SMCO4: variants seen among roughly 807,000 people sequenced by gnomAD.
The protein encoded by SMCO4 is single-pass membrane and coiled-coil domain-containing protein 4.
Under a neutral mutation model 3.6 loss-of-function variants are expected in SMCO4, and 4 were observed. The observed-to-expected ratio is 1.11, with a 90% CI of 0.54 to 2.53. The LOEUF (loss-of-function observed/expected upper bound fraction) is 2.53, where lower values mean the gene tolerates loss of function less well. Ranked by LOEUF, SMCO4 falls within the 30% of genes most tolerant of loss-of-function variation. The pLI, the probability that SMCO4 is intolerant of heterozygous loss-of-function variation, is 0.02. For synonymous variants in SMCO4, 36 were observed against 35.3 expected (o/e 1.02, Z -0.07); for missense variants, 70 against 80.8 (o/e 0.87, Z 0.51).
chr11:93,500,061 G>A (rs1356542104), intron 1 of SMCO4, among the ~76,000 whole-genome samples: 2 of 152,200 alleles, frequency 1.3e-5, no homozygotes, highest in Non-Finnish European at 2.9e-5. Context: ...TCCAAAAAGT[G>A]TCCATAACAA....
At chr11:93,543,034 C>G (rs1420689752) in intron 1 of SMCO4, among the ~76,000 whole-genome samples, 1 of 151,880 alleles carries the variant, frequency 6.6e-6, no homozygotes, top group Non-Finnish European at 1.5e-5. Context: ...GCGTCTCGAG[C>G]CGCGACGGGC....
chr11:93,503,620 A>G (rs1948869136), intron 1 of SMCO4, among the ~76,000 whole-genome samples: 1 of 152,190 alleles, frequency 6.6e-6, no homozygotes, highest in South Asian at 2.1e-4. Flanking sequence ...CTTATAAGAA[A>G]GGTAGATTAC....
rs752094282 is a variant in SMCO4, at chr11:93,479,083, G to C, written c.107C>G (p.Pro36Arg). The C allele has an allele frequency of 6.2e-7, 1 of 1,614,048 alleles. No homozygotes were observed. The highest frequency in any genetic ancestry group is 2.2e-5 in the East Asian group (1 of 44,844). Residue 36 changes from proline to arginine, a missense_variant, in exon 3 of 3, where the codon CCC (proline) becomes CGC (arginine). Pro to Arg is a moderately radical substitution (Grantham distance 103). Coordinates refer to ENST00000298966, the MANE Select transcript of SMCO4 (RefSeq NM_020179.3). ...ARQQITTVVL[P>R]TLAVVVLLIV... ...CAAGAGCACGACCACGGCCAGCGTG[G>C]GCAGCACCACTGTAGTGATCTGCTG...
In SMCO4 at chr11:93,484,535, A is replaced by G. The variant is rs182144469; in HGVS notation, c.-80-5266T>C. The stretch of plus-strand genomic sequence containing the variant: ...AAAATGGGTAAGAAACCTGTTTTGC[A>G]GACATCGAAAAATTAGAAATAATGT... On this transcript the variant is annotated intron_variant, in intron 2 of 2. Transcript: ENST00000298966. Among the ~76,000 whole-genome samples the G allele has an allele frequency of 7.9e-5, 12 of 152,308 alleles. No individual in the cohort carries two copies. The East Asian group carries it at 1.5e-3, about 20-fold the overall frequency.
chr11:93,492,075 AAAC>A (rs1286489359), intron 2 of SMCO4, among the ~76,000 whole-genome samples: 1 of 152,234 alleles, frequency 6.6e-6, no homozygotes, highest in Non-Finnish European at 1.5e-5. Flanking sequence ...TATCAAACAG[AAAC>A]AATAGCACAC....
At chr11:93,528,624 C>G (rs950405800) in intron 1 of SMCO4, among the ~76,000 whole-genome samples, 2 of 116,894 alleles carry the variant, frequency 1.7e-5, no homozygotes, top group Non-Finnish European at 1.8e-5. Context: ...TCCAGGAGCT[C>G]GCACTGTGAC....
chr11:93,485,402 T>C (rs1408266203), intron 2 of SMCO4, among the ~76,000 whole-genome samples: 3 of 152,228 alleles, frequency 2.0e-5, no homozygotes, highest in African/African-American at 7.2e-5. Context: ...TGATGGAACA[T>C]CTATGCTGGA....
chr11:93,478,520 T>C lies in SMCO4; in HGVS notation c.*490A>G, dbSNP rs1948545875. ...TCAAAAAATAAATATTTCACTTTGA[T>C]TCAACATATTTCAAATCACATTAAG... On this transcript the variant is annotated 3_prime_UTR_variant, in exon 3 of 3. Coordinates refer to ENST00000298966, the MANE Select transcript of SMCO4 (RefSeq NM_020179.3). 1 of 152,656 alleles carries C rather than the reference T, an allele frequency of 6.6e-6. No homozygotes were observed. The highest frequency in any genetic ancestry group is 2.4e-5 in the African/African-American group (1 of 41,456). The allele number at this position is 152,656 out of a possible 1,614,324, so 9.5% of individuals were successfully genotyped here.
chr11:93,494,544 C>G (rs990336689), intron 2 of SMCO4, among the ~76,000 whole-genome samples: 1 of 152,184 alleles, frequency 6.6e-6, no homozygotes, highest in Non-Finnish European at 1.5e-5. Flanking sequence ...CAGCAGGCAC[C>G]TGGAATGCAC....
At chr11:93,544,004 G>A (rs1460173061), upstream of SMCO4, among the ~76,000 whole-genome samples, 1 of 152,156 alleles carries the variant, frequency 6.6e-6, no homozygotes, top group Non-Finnish European at 1.5e-5. Flanking sequence ...TCGGACCAGC[G>A]CCAAATCCGC....
intron 2 of SMCO4, among the ~76,000 whole-genome samples, chr11:93,490,427 A>G (rs1212250291): frequency 6.6e-6 from 1 of 152,276 alleles, no homozygotes; most frequent in Admixed American, 6.5e-5. Context: ...CAGAAAGAAT[A>G]TAACGGCAGC....
intron 1 of SMCO4, among the ~76,000 whole-genome samples, chr11:93,530,852 C>T (rs1949155289): frequency 6.6e-6 from 1 of 152,224 alleles, no homozygotes; most frequent in South Asian, 2.1e-4. Context: ...ACCTTCCCCT[C>T]TGCTGCGGGA....
intron 2 of SMCO4, among the ~76,000 whole-genome samples, chr11:93,485,906 G>A (rs1333825754): frequency 1.3e-5 from 2 of 152,182 alleles, no homozygotes; most frequent in Non-Finnish European, 2.9e-5. Flanking sequence ...AAAGTATGCT[G>A]TTGTCCAACA....
At chr11:93,495,050 T>C (rs769135064) in intron 2 of SMCO4, among the ~76,000 whole-genome samples, 1 of 152,048 alleles carries the variant, frequency 6.6e-6, no homozygotes, top group Non-Finnish European at 1.5e-5. Flanking sequence ...TCCATGCAGC[T>C]GTCTGAAATG....
At chr11:93,506,346 T>C (rs966404662) in intron 1 of SMCO4, among the ~76,000 whole-genome samples, 1 of 152,098 alleles carries the variant, frequency 6.6e-6, no homozygotes, top group Admixed American at 6.5e-5. Context: ...GCAAAAGCAA[T>C]AGCAGGTAAA....
At chr11:93,528,658 C>T (rs1209988070) in intron 1 of SMCO4, among the ~76,000 whole-genome samples, 2 of 152,062 alleles carry the variant, frequency 1.3e-5, no homozygotes, top group Non-Finnish European at 2.9e-5. Flanking sequence ...CAAGGGGCTG[C>T]CCAGAGTGGG....
intron 2 of SMCO4, among the ~76,000 whole-genome samples, chr11:93,494,817 G>T (rs1192366169): frequency 6.6e-6 from 1 of 152,100 alleles, no homozygotes; most frequent in African/African-American, 2.4e-5. Context: ...GACAAACCCG[G>T]TCCAGTAACT....
chr11:93,515,145 C>A (rs1369539881), intron 1 of SMCO4, among the ~76,000 whole-genome samples: 3 of 152,100 alleles, frequency 2.0e-5, no homozygotes, highest in Non-Finnish European at 4.4e-5. Flanking sequence ...TTTGGAAAGG[C>A]CATAATTTAT....
At chr11:93,487,707 T>G (rs139439122) in intron 2 of SMCO4, among the ~76,000 whole-genome samples, 1 of 152,238 alleles carries the variant, frequency 6.6e-6, no homozygotes, top group South Asian at 2.1e-4. Flanking sequence ...CTGTGCATTA[T>G]TCATTTCATC....
Sources: allele counts gnomAD v4.1 joint callset (sites outside exome capture counted in the v4.1 genomes callset), GRCh38; gene constraint gnomAD v4.1.1; transcripts MANE v1.5; gene names NCBI Gene and HGNC (gene_info 2026-07-23, HGNC 2026-07-21).